ADAMTS20: variants seen among roughly 807,000 people sequenced by gnomAD.
The protein encoded by ADAMTS20 is A disintegrin and metalloproteinase with thrombospondin motifs 20.
In ADAMTS20, 225 loss-of-function variants were observed where a neutral mutation model predicts 260.1. The observed-to-expected ratio is 0.87, with a 90% CI of 0.78 to 0.97. The LOEUF (loss-of-function observed/expected upper bound fraction) is 0.97, where lower values mean the gene tolerates loss of function less well. Ranked by LOEUF, ADAMTS20 falls within the 50% of genes least tolerant of loss-of-function variation. The probability of loss-of-function intolerance (pLI) is 0.00; values close to 1 mark genes in which losing one functional copy is unlikely to be tolerated. For synonymous variants in ADAMTS20, 802 were observed against 769.5 expected, an observed-to-expected ratio of 1.04 and a Z score of -0.70; for missense variants, 2,400 against 2,337.7, an observed-to-expected ratio of 1.03 and a Z score of -0.55.
intron 3 of ADAMTS20, among the ~76,000 whole-genome samples, chr12:43,515,466 A>AT (rs1389499810): frequency 7.2e-5 from 11 of 152,084 alleles, no homozygotes; most frequent in African/African-American, 1.4e-4. Flanking sequence ...ACTATTGCCA[A>AT]TTTTTTTATT....
intron 3 of ADAMTS20, among the ~76,000 whole-genome samples, chr12:43,514,560 CAAAAAAAAAAAAAAAAA>C (rs58435633): frequency 4.7e-5 from 3 of 63,692 alleles, no homozygotes; most frequent in African/African-American, 1.0e-4. Context: ...GACTCTATCT[CAAAAAAAAAAAAAAAAA>C]AAAAAAAAAA....
chr12:43,434,322 A>G lies in ADAMTS20; in HGVS notation c.2643T>C (p.Val881=), dbSNP rs750551277. ...ITCIHKSDHS[V]VSDKECDHLP... is the part of the protein sequence containing the mutation. ...AGTGGTCACATTCTTTATCAGACAC[A>G]ACACTATGATCACTCTTATGTATGC... The change falls in exon 19 of 39, where the codon GTT becomes GTC. Residue 881 remains valine (V), a synonymous_variant. Transcript: ENST00000389420. The G allele has an allele frequency of 6.3e-7, 1 of 1,593,304 alleles. No homozygotes were observed. Among genetic ancestry groups the G allele is most frequent in the Non-Finnish European group, 8.6e-7 (1 of 1,168,564 alleles).
chr12:43,374,417 T>C (rs2137208414), intron 36 of ADAMTS20, among the ~76,000 whole-genome samples: 1 of 152,302 alleles, frequency 6.6e-6, no homozygotes, highest in East Asian at 1.9e-4. Flanking sequence ...CCTCTTCATG[T>C]AGATATGTAA....
intron 2 of ADAMTS20, among the ~76,000 whole-genome samples, chr12:43,539,743 A>C (rs1943350432): frequency 6.6e-6 from 1 of 152,198 alleles, no homozygotes; most frequent in African/African-American, 2.4e-5. Flanking sequence ...CATGCTGAAG[A>C]GGGGAAATGT....
chr12:43,411,544 A>C (rs1163951396), intron 28 of ADAMTS20, among the ~76,000 whole-genome samples: 1 of 151,606 alleles, frequency 6.6e-6, no homozygotes, highest in Non-Finnish European at 1.5e-5. Flanking sequence ...ATTTTTGTAT[A>C]TTTAGTAGAG....
intron 23 of ADAMTS20, 31 bp from the exon 24 acceptor site, chr12:43,429,755 C>T (rs374449321): frequency 7.0e-5 from 97 of 1,381,962 alleles, no homozygotes; most frequent in Middle Eastern, 5.4e-4. Context: ...TCTCGTAAAA[C>T]ATTAATTAAT....
intron 9 of ADAMTS20, 74 bp from the exon 10 acceptor site, chr12:43,464,806 T>A (rs913675717): frequency 1.2e-4 from 177 of 1,449,458 alleles, no homozygotes; most frequent in Non-Finnish European, 1.6e-4. Context: ...TATCACATTT[T>A]TTGTAGTTCT....
At chr12:43,459,017 C>T (rs1248985093) in intron 11 of ADAMTS20, among the ~76,000 whole-genome samples, 3 of 152,132 alleles carry the variant, frequency 2.0e-5, no homozygotes, top group East Asian at 1.9e-4. Flanking sequence ...GACAATGATC[C>T]GGATATAAAC....
intron 4 of ADAMTS20, 108 bp downstream of exon 4, chr12:43,502,044 T>C (rs970670848): frequency 8.2e-5 from 88 of 1,068,476 alleles, no homozygotes; most frequent in Non-Finnish European, 1.0e-4. Flanking sequence ...TAAACCTAGA[T>C]ACAAAATTAC....
rs757889549 is a variant in ADAMTS20 at position 43,425,160 on chromosome 12, G to A, written c.4284+354C>T. ...TCCTCAGCAAACTAATACAGGAACA[G>A]AAAGCCAAACACTCCATGTTCTCAC... is the stretch of plus-strand genomic sequence containing the variant. On this transcript the variant is annotated intron_variant, in intron 28 of 38. Coordinates refer to ENST00000389420, the MANE Select transcript of ADAMTS20 (RefSeq NM_025003.5). 4.5e-4 allele frequency among the ~76,000 whole-genome samples: 68 copies of A among 152,152 alleles called. 1 individual carries two copies. The highest frequency in any genetic ancestry group is 5.3e-4 in the Non-Finnish European group (36 of 68,016).
intron 11 of ADAMTS20, among the ~76,000 whole-genome samples, chr12:43,458,637 G>A (rs1565557570): frequency 6.6e-6 from 1 of 152,214 alleles, no homozygotes; most frequent in South Asian, 2.1e-4. Flanking sequence ...ATTTTAAATT[G>A]CAATCTGCCC....
chr12:43,425,495 G>A lies in ADAMTS20; in HGVS notation c.4284+19C>T, dbSNP rs10785430. The A allele has an allele frequency of 0.54, 768,089 of 1,434,480 alleles. 210,283 individuals carry two copies. Among genetic ancestry groups the A allele is most frequent in the East Asian group, 0.83 (32,212 of 38,726 alleles). 88.9% of individuals were successfully genotyped at this position (1,434,480 alleles called of 1,614,324 possible). On this transcript the variant is annotated intron_variant, in intron 28 of 38. Coordinates refer to ENST00000389420, the MANE Select transcript of ADAMTS20 (RefSeq NM_025003.5). ...AACTTTAAAGTATGACATGTTAACA[G>A]ACAAGAGTGCTATCATACCGATGTC...
chr12:43,492,963 T>C (rs1031381227), intron 5 of ADAMTS20, among the ~76,000 whole-genome samples: 1 of 152,202 alleles, frequency 6.6e-6, no homozygotes, highest in Non-Finnish European at 1.5e-5. Context: ...GTTTATTCAC[T>C]TTTGTTACTT....
intron 29 of ADAMTS20, among the ~76,000 whole-genome samples, chr12:43,392,605 C>T (rs188113061): frequency 7.9e-5 from 12 of 152,196 alleles, no homozygotes; most frequent in East Asian, 3.9e-4. Context: ...TTAACATAGA[C>T]GAATTCATTG....
intron 3 of ADAMTS20, among the ~76,000 whole-genome samples, chr12:43,514,762 T>C (rs1162322214): frequency 1.3e-5 from 2 of 152,118 alleles, no homozygotes; most frequent in African/African-American, 4.8e-5. Flanking sequence ...GATGTGCTTT[T>C]GAAAATCTTA....
intron 3 of ADAMTS20, among the ~76,000 whole-genome samples, chr12:43,504,555 T>A (rs1942815131): frequency 6.6e-6 from 1 of 152,202 alleles, no homozygotes; most frequent in East Asian, 1.9e-4. Context: ...GACCAATTAC[T>A]GGACCCTAGA....
At chr12:43,522,192 C>T (rs138410229) in intron 3 of ADAMTS20, among the ~76,000 whole-genome samples, 1 of 143,238 alleles carries the variant, frequency 7.0e-6, no homozygotes, top group East Asian at 2.5e-4. Flanking sequence ...AAGCAAGGCA[C>T]GTTAATCACA....
chr12:43,539,603 C>A (rs948917575), intron 2 of ADAMTS20, among the ~76,000 whole-genome samples: 5 of 152,096 alleles, frequency 3.3e-5, no homozygotes, highest in African/African-American at 1.2e-4. Flanking sequence ...CAACAAACAC[C>A]AATACTCTAG....
Position 43,493,375 on chromosome 12 carries a change from C to CTT in ADAMTS20, c.868-124_868-123dup, listed in dbSNP as rs772546744. On this transcript the variant is annotated intron_variant, in intron 4 of 38. Transcript: ENST00000389420. The stretch of plus-strand genomic sequence containing the variant: ...ACTGCACGTAGGAATCTTGGAATCT[C>CTT]TTAGAGTGCTTTAACAAATCCTCAT... The CTT allele has an allele frequency of 3.3e-3, 2,251 of 673,726 alleles. 6 individuals are homozygous for CTT. The highest frequency in any genetic ancestry group is 4.3e-3 in the Non-Finnish European group (1,722 of 402,772). 41.7% of individuals were successfully genotyped at this position (673,726 alleles called of 1,614,324 possible). A position where few individuals can be genotyped will look rare whatever the true frequency, so the allele number is the denominator to read the frequency against.
Sources: gnomAD v4.1 joint callset for allele counts (sites outside exome capture counted in the v4.1 genomes callset) on GRCh38, gnomAD v4.1.1 for gene constraint, MANE v1.5 for transcripts, NCBI Gene and HGNC (gene_info 2026-07-23, HGNC 2026-07-21) for gene names.